The following IL23R variants were observed in gnomAD, a reference collection of about 807,000 sequenced individuals.
The protein encoded by IL23R is interleukin 23 receptor, also known as interleukin-23 receptor.
IL23R carries 34 observed loss-of-function variants against 56.9 expected under a neutral mutation model. The observed-to-expected ratio is 0.60, with a 90% CI of 0.45 to 0.80. IL23R has a LOEUF of 0.80. Ranked by LOEUF, IL23R falls within the 30% of genes least tolerant of loss-of-function variation. The pLI, the probability that IL23R is intolerant of heterozygous loss-of-function variation, is 0.00. For synonymous variants in IL23R, 230 were observed against 249.2 expected, an observed-to-expected ratio of 0.92 and a Z score of 0.73; for missense variants, 635 against 730.0, an observed-to-expected ratio of 0.87 and a Z score of 1.50.
rs1039063041 is a variant in IL23R, at chr1:67,186,453, C to CA, written c.491+3504dup. ...TCAATATTGAACATTTTCATCATGC[C>CA]AAAAAAAAAATCACATCCATGAGCA... On this transcript the variant is annotated intron_variant, in intron 4 of 10. Transcript: ENST00000347310. Among the ~76,000 whole-genome samples the CA allele has an allele frequency of 3.8e-3, 559 of 148,328 alleles. 3 individuals are homozygous for CA. The highest frequency in any genetic ancestry group is 0.011 in the African/African-American group (453 of 40,612).
At position 67,179,076 on chromosome 1, in the gene IL23R, C is replaced by T. The variant is rs1180722097; in HGVS notation, c.368-3760C>T. ...TCATCAGAGATATTGGTCTAAAATT[C>T]TCTTTTTTGGTTGTGTCTCTGCCAG... is the stretch of plus-strand genomic sequence containing the variant. On this transcript the variant is annotated intron_variant, in intron 3 of 10. Transcript: ENST00000347310. Among the ~76,000 whole-genome samples, 2 of 152,118 alleles carry T rather than the reference C, an allele frequency of 1.3e-5. 1 individual carries two copies. The highest frequency in any genetic ancestry group is 2.9e-5 in the Non-Finnish European group (2 of 68,016).
At chr1:67,250,500 A>T (rs1652540041) in intron 9 of IL23R, among the ~76,000 whole-genome samples, 1 of 152,172 alleles carries the variant, frequency 6.6e-6, no homozygotes, top group African/African-American at 2.4e-5. Flanking sequence ...AAATTGAACA[A>T]TTTTCAAAAG....
intron 7 of IL23R, chr1:67,231,960 CA>C (rs1651123313): frequency 6.6e-6 from 1 of 152,090 alleles, no homozygotes. Flanking sequence ...GCAGAGGTTA[CA>C]GTGAGCCAAG....
chr1:67,240,488 A>G (rs1651775912), intron 9 of IL23R, among the ~76,000 whole-genome samples: 1 of 152,238 alleles, frequency 6.6e-6, no homozygotes, highest in African/African-American at 2.4e-5. Context: ...TGACCCTGCC[A>G]GAAAAGCTTC....
chr1:67,212,012 C>T (rs1055263979), intron 6 of IL23R, among the ~76,000 whole-genome samples: 2 of 152,176 alleles, frequency 1.3e-5, no homozygotes, highest in African/African-American at 4.8e-5. Context: ...CTTATACCGT[C>T]AGTAACTAAG....
Position 67,201,301 on chromosome 1 carries a change from A to G in IL23R, c.652+404A>G, listed in dbSNP as rs188216565. ...CGGGCACCTGTAGTCCCAGCTACTC[A>G]GGAGGCTGAGGCAGGAGAATTGCTT... On this transcript the variant is annotated intron_variant, in intron 5 of 10. Transcript: ENST00000347310. 1.6e-4 allele frequency among the ~76,000 whole-genome samples: 24 copies of G among 151,964 alleles called. 1 individual carries two copies. The highest frequency in any genetic ancestry group is 4.6e-4 in the Admixed American group (7 of 15,268).
chr1:67,201,626 T>C (rs1191209542), intron 5 of IL23R, among the ~76,000 whole-genome samples: 1 of 151,702 alleles, frequency 6.6e-6, no homozygotes, highest in Non-Finnish European at 1.5e-5. Flanking sequence ...AAGTACAGCA[T>C]GCTAAATTCT....
intron 4 of IL23R, among the ~76,000 whole-genome samples, chr1:67,195,474 G>C (rs1397160966): frequency 6.6e-6 from 1 of 152,150 alleles, no homozygotes; most frequent in East Asian, 1.9e-4. Flanking sequence ...AGTAAACTGA[G>C]CTGTATAGAG....
chr1:67,175,033 C>A (rs1646989958), intron 3 of IL23R, among the ~76,000 whole-genome samples: 1 of 151,980 alleles, frequency 6.6e-6, no homozygotes, highest in South Asian at 2.1e-4. Flanking sequence ...TATGTTCATT[C>A]CCAAAGGCAC....
intron 7 of IL23R, among the ~76,000 whole-genome samples, chr1:67,221,725 G>A (rs982493925): frequency 6.6e-6 from 1 of 152,120 alleles, no homozygotes; most frequent in Non-Finnish European, 1.5e-5. Flanking sequence ...AGTATGAATA[G>A]CATCATTATT....
intron 7 of IL23R, among the ~76,000 whole-genome samples, chr1:67,220,797 G>T (rs930185048): frequency 6.6e-6 from 1 of 152,184 alleles, no homozygotes; most frequent in African/African-American, 2.4e-5. Flanking sequence ...ATCTAAACAG[G>T]CTTCAATCAT....
At chr1:67,232,257 A>G (rs1455167864) in intron 7 of IL23R, among the ~76,000 whole-genome samples, 1 of 152,206 alleles carries the variant, frequency 6.6e-6, no homozygotes, top group Admixed American at 6.5e-5. Context: ...TAAGAAGAAA[A>G]TAACTCTACG....
chr1:67,219,531 T>C (rs780557345), intron 6 of IL23R, 43 bp from the exon 7 acceptor site: 2 of 1,589,468 alleles, frequency 1.3e-6, no homozygotes, highest in Admixed American at 3.3e-5. Flanking sequence ...ATAGTTGTTT[T>C]AAAAGCACAC....
At chr1:67,248,658 C>T (rs1027343755) in intron 9 of IL23R, among the ~76,000 whole-genome samples, 66 of 152,090 alleles carry the variant, frequency 4.3e-4, no homozygotes, top group African/African-American at 1.4e-3. Flanking sequence ...CCCTTGCTGG[C>T]GAGGAGTTGT....
downstream of IL23R, among the ~76,000 whole-genome samples, chr1:67,262,955 C>T (rs1279316987): frequency 2.0e-5 from 3 of 152,070 alleles, no homozygotes; most frequent in Non-Finnish European, 4.4e-5. Flanking sequence ...AATATCGTTT[C>T]CTCCTGCTCT....
chr1:67,203,413 G>A (rs1648773017), intron 5 of IL23R, among the ~76,000 whole-genome samples: 1 of 152,088 alleles, frequency 6.6e-6, no homozygotes. Flanking sequence ...CTTCCAGACT[G>A]ACTTCTCACA....
At chr1:67,260,485 A>C (rs924236236), downstream of IL23R, among the ~76,000 whole-genome samples, 1 of 152,098 alleles carries the variant, frequency 6.6e-6, no homozygotes, top group Non-Finnish European at 1.5e-5. Flanking sequence ...AGATATCACC[A>C]GCCAATCAGA....
chr1:67,184,533 G>C (rs1647222080), intron 4 of IL23R, among the ~76,000 whole-genome samples: 1 of 150,294 alleles, frequency 6.7e-6, no homozygotes, highest in Non-Finnish European at 1.5e-5. Flanking sequence ...GGCAACAAGA[G>C]GGAAACTCTG....
intron 5 of IL23R, among the ~76,000 whole-genome samples, chr1:67,205,939 TTC>T (rs1442384971): frequency 7.1e-6 from 1 of 140,670 alleles, no homozygotes; most frequent in African/African-American, 2.5e-5. Context: ...CTTTCTTTCT[TTC>T]TCTTTTTTTT....
Sources: allele counts gnomAD v4.1 joint callset (sites outside exome capture counted in the v4.1 genomes callset), GRCh38; gene constraint gnomAD v4.1.1; transcripts MANE v1.5; gene names NCBI Gene and HGNC (gene_info 2026-07-23, HGNC 2026-07-21).